Variants in ACVR1 observed in about 807,000 individuals in gnomAD.
ACVR1 encodes activin receptor type-1.
Under a neutral mutation model 57.1 loss-of-function variants are expected in ACVR1, and 38 were observed. That is an observed-to-expected ratio of 0.67 (90% CI 0.51 to 0.87). The LOEUF is 0.87. ACVR1 is among the 40% of genes least tolerant of loss of function. The pLI is 0.00. For missense variants in ACVR1, 463 were observed against 638.2 expected (o/e 0.73, Z 2.96); for synonymous variants, 212 against 228.1 (o/e 0.93, Z 0.63).
intron 1 of ACVR1, among the ~76,000 whole-genome samples, chr2:157,851,701 A>T (rs1689307882): frequency 6.6e-6 from 1 of 152,202 alleles, no homozygotes; most frequent in Non-Finnish European, 1.5e-5. Context: ...TAGATATCGC[A>T]TCCCCTAACT....
intron 3 of ACVR1, among the ~76,000 whole-genome samples, chr2:157,786,412 A>T (rs1686712654): frequency 6.6e-6 from 1 of 152,180 alleles, no homozygotes. Context: ...GTGGAAAGAG[A>T]CCTGATGCTG....
intron 9 of ACVR1, among the ~76,000 whole-genome samples, chr2:157,744,364 A>G (rs1358827521): frequency 6.6e-6 from 1 of 152,256 alleles, no homozygotes; most frequent in African/African-American, 2.4e-5. Context: ...AAGTGAATAC[A>G]GTGTTTCCTT....
intron 3 of ACVR1, among the ~76,000 whole-genome samples, chr2:157,795,035 A>G (rs1349236240): frequency 1.3e-5 from 2 of 152,104 alleles, no homozygotes; most frequent in Non-Finnish European, 2.9e-5. Context: ...AAAATGTATT[A>G]GAACAAAATC....
intron 9 of ACVR1, among the ~76,000 whole-genome samples, chr2:157,742,091 G>C (rs948392985): frequency 6.6e-6 from 1 of 152,140 alleles, no homozygotes; most frequent in Non-Finnish European, 1.5e-5. Flanking sequence ...AGAAGAAGGG[G>C]ACAGGAGGTG....
chr2:157,774,241 T>C (rs1279733243), intron 5 of ACVR1, 54 bp from the exon 6 acceptor site: 17 of 1,430,512 alleles, frequency 1.2e-5, no homozygotes, highest in Non-Finnish European at 1.6e-5. Flanking sequence ...AGCTCCCACT[T>C]TGGAGTATTA....
At chr2:157,745,312 G>A (rs1332035175) in intron 9 of ACVR1, among the ~76,000 whole-genome samples, 2 of 152,206 alleles carry the variant, frequency 1.3e-5, no homozygotes, top group Non-Finnish European at 2.9e-5. Context: ...AATCGAGAAA[G>A]AGAGGAGCAC....
At chr2:157,760,805 C>T in intron 9 of ACVR1, 75 bp downstream of exon 9, 1 of 1,386,494 alleles carries the variant, frequency 7.2e-7, no homozygotes, top group African/African-American at 1.4e-5. Flanking sequence ...TTCAATAGTC[C>T]CTTCAGCCCT....
At chr2:157,801,657 C>A (rs959380126) in intron 2 of ACVR1, among the ~76,000 whole-genome samples, 3 of 152,166 alleles carry the variant, frequency 2.0e-5, no homozygotes, top group African/African-American at 7.2e-5. Context: ...TAGTATGATT[C>A]CACTGCCATT....
chr2:157,751,661 G>A (rs1489460146), intron 9 of ACVR1, among the ~76,000 whole-genome samples: 2 of 152,166 alleles, frequency 1.3e-5, no homozygotes, highest in Non-Finnish European at 2.9e-5. Context: ...TGTGGGAACT[G>A]GGTAAGGCCT....
At chr2:157,841,740 T>C (rs13029130) in intron 1 of ACVR1, among the ~76,000 whole-genome samples, 95,256 of 151,850 alleles carry the variant, frequency 0.63, 34,968 homozygotes, top group Non-Finnish European at 0.81. Flanking sequence ...AAAAAGAAAA[T>C]TGGCAGGGCA....
chr2:157,830,927 C>A (rs562442777), intron 1 of ACVR1, among the ~76,000 whole-genome samples: 1 of 152,158 alleles, frequency 6.6e-6, no homozygotes, highest in Non-Finnish European at 1.5e-5. Context: ...GACAATGTTA[C>A]ATTTGCTACA....
intron 1 of ACVR1, among the ~76,000 whole-genome samples, chr2:157,869,692 C>A (rs1690053366): frequency 1.3e-5 from 2 of 152,150 alleles, no homozygotes; most frequent in South Asian, 4.1e-4. Context: ...TCTCTGCTGA[C>A]TGAGCTTTTC....
At chr2:157,819,459 C>T (rs1376258782) in intron 1 of ACVR1, 2 of 148,124 alleles carry the variant, frequency 1.4e-5, no homozygotes, top group African/African-American at 5.0e-5. Context: ...TCACGCCATT[C>T]CACTCCAGCC....
chr2:157,786,106 T>C (rs1440875506), intron 3 of ACVR1, among the ~76,000 whole-genome samples: 1 of 152,230 alleles, frequency 6.6e-6, no homozygotes, highest in Non-Finnish European at 1.5e-5. Flanking sequence ...ACCTAGTCAG[T>C]GCCTTTCTAC....
chr2:157,770,232 C>A, intron 7 of ACVR1, 136 bp downstream of exon 7: 5 of 892,308 alleles, frequency 5.6e-6, no homozygotes, highest in Non-Finnish European at 9.0e-6. Context: ...AATTAAACAG[C>A]ATATAAATGC....
intron 9 of ACVR1, among the ~76,000 whole-genome samples, chr2:157,754,207 G>A (rs1422806504): frequency 1.3e-5 from 2 of 152,038 alleles, no homozygotes; most frequent in Admixed American, 6.6e-5. Flanking sequence ...AGGAACTAGA[G>A]AAATAAGAAT....
chr2:157,771,281 GC>G (rs1263022539), intron 6 of ACVR1, among the ~76,000 whole-genome samples: 2 of 152,280 alleles, frequency 1.3e-5, no homozygotes, highest in East Asian at 3.9e-4. Flanking sequence ...CACTGAAAAG[GC>G]TACTTGGAGA....
chr2:157,844,885 A>T (rs984346475), intron 1 of ACVR1, among the ~76,000 whole-genome samples: 5 of 152,140 alleles, frequency 3.3e-5, no homozygotes, highest in African/African-American at 1.2e-4. Context: ...ACCATGTGAG[A>T]ACACAGCAAG....
chr2:157,865,865 T>TAGAC (rs1553452950), intron 1 of ACVR1, among the ~76,000 whole-genome samples: 3 of 150,146 alleles, frequency 2.0e-5, no homozygotes, highest in East Asian at 3.9e-4. Flanking sequence ...GATAGATAGA[T>TAGAC]TGACTGATTG....
Sources: allele counts gnomAD v4.1 joint callset (sites outside exome capture counted in the v4.1 genomes callset), GRCh38; gene constraint gnomAD v4.1.1; transcripts MANE v1.5; gene names NCBI Gene and HGNC (gene_info 2026-07-23, HGNC 2026-07-21).